Variants in GRID2IP observed in about 807,000 individuals in gnomAD.
GRID2IP encodes Grid2 interacting protein, also known as delphilin.
GRID2IP carries 78 observed loss-of-function variants against 114.3 expected under a neutral mutation model. The observed-to-expected ratio is 0.68, with a 90% CI of 0.57 to 0.82. The LOEUF (loss-of-function observed/expected upper bound fraction) is 0.82, where lower values mean the gene tolerates loss of function less well. Among genes scored for constraint, GRID2IP ranks in the 40% least tolerant of loss-of-function variants. GRID2IP has a pLI of 0.00. For missense variants in GRID2IP, 1,727 were observed against 1,678.5 expected (o/e 1.03, Z -0.51); for synonymous variants, 809 against 724.0 (o/e 1.12, Z -1.89).
chr7:6,504,949 G>A, intron 14 of GRID2IP, 79 bp from the exon 15 acceptor site: 1 of 1,133,330 alleles, frequency 8.8e-7, no homozygotes, highest in Non-Finnish European at 1.3e-6. Flanking sequence ...CGTGGTCACA[G>A]CCAACAGCCA....
Position 6,539,705 on chromosome 7 carries a change from CT to C in GRID2IP, c.584+12del. 6.5e-7 allele frequency: 1 copy of C among 1,541,512 alleles called. No individual in the cohort carries two copies. The highest frequency in any genetic ancestry group is 8.8e-7 in the Non-Finnish European group (1 of 1,142,058). ...CCACCCTGCCTGTCTATCCTGCCCC[CT>C]GCCCGCAGTACCTGAGGTTGTCCAG... On this transcript the variant is annotated intron_variant, in intron 2 of 21. Coordinates refer to ENST00000457091, the MANE Select transcript of GRID2IP (RefSeq NM_001145118.2).
intron 15 of GRID2IP, among the ~76,000 whole-genome samples, chr7:6,504,176 T>A (rs901621076): frequency 8.6e-6 from 1 of 116,118 alleles, no homozygotes. Flanking sequence ...GGGGCCCGGG[T>A]GGAAAGAGGG....
intron 2 of GRID2IP, chr7:6,531,145 G>T: frequency 2.0e-6 from 1 of 504,810 alleles, no homozygotes; most frequent in Non-Finnish European, 3.5e-6. Context: ...GAAGGGCAGG[G>T]GGTAGCCGAG....
rs1400517719 is a variant in GRID2IP at position 6,497,134 on chromosome 7, A to G, written c.*640T>C. Among the ~76,000 whole-genome samples the G allele has an allele frequency of 2.0e-5, 3 of 151,898 alleles. No homozygotes were observed. The highest frequency in any genetic ancestry group is 2.9e-5 in the Non-Finnish European group (2 of 67,958). On this transcript the variant is annotated 3_prime_UTR_variant, in exon 22 of 22. Coordinates refer to ENST00000457091, the MANE Select transcript of GRID2IP (RefSeq NM_001145118.2). ...TCCACTCCCAGGCTCCCCACTTCCA[A>G]TTGGGCCACCTCTACACAGGTTTGG...
At chr7:6,525,992 C>A (rs1779503422) in intron 4 of GRID2IP, among the ~76,000 whole-genome samples, 1 of 152,094 alleles carries the variant, frequency 6.6e-6, no homozygotes, top group South Asian at 2.1e-4. Context: ...GGGTGGGGTG[C>A]CCCAACTCAG....
At position 6,521,439 on chromosome 7, in the gene GRID2IP, T is replaced by C. The variant is rs1204025579; in HGVS notation, c.1074A>G (p.Pro358=). 19 of 1,544,338 alleles carry C rather than the reference T, an allele frequency of 1.2e-5. No homozygotes were observed. The highest frequency in any genetic ancestry group is 1.7e-5 in the Non-Finnish European group (19 of 1,143,330). Reference sequence around the variant, plus strand: ...CCATGGGGGTCTCACCACTGGCAAATGGGACGAGCCCTTCCTCCACCACCA... The same window carrying C: ...CCATGGGGGTCTCACCACTGGCAAACGGGACGAGCCCTTCCTCCACCACCA... The part of the protein sequence containing the change: ...PTLVVEEGLV[P]FASDSDSLDS... The change falls in exon 6 of 22, where the codon CCA becomes CCG. Residue 358 remains proline, a synonymous_variant. Transcript: ENST00000457091. This position sits in a 1 kb window ranked among gnomAD's most constrained non-coding sequence, Gnocchi z 4.1.
chr7:6,541,512 C>G (rs1779815055), intron 1 of GRID2IP, among the ~76,000 whole-genome samples: 1 of 152,172 alleles, frequency 6.6e-6, no homozygotes, highest in African/African-American at 2.4e-5. Context: ...TCTTTGTCCA[C>G]AAACCAGCTG....
Position 6,521,488 on chromosome 7 carries a change from T to C in GRID2IP, c.1025A>G (p.Gln342Arg). 6.5e-7 allele frequency: 1 copy of C among 1,549,722 alleles called. No individual in the cohort carries two copies. The highest frequency in any genetic ancestry group is 1.2e-5 in the South Asian group (1 of 83,782). Residue 342 changes from glutamine to arginine, a missense_variant, in exon 6 of 22, where the codon CAG becomes CGG. Coordinates refer to ENST00000457091, the MANE Select transcript of GRID2IP (RefSeq NM_001145118.2). This position sits in a 1 kb window ranked among gnomAD's most constrained non-coding sequence, Gnocchi z 4.1. ...CSHDKVVSML[Q>R]GSGAMPTLVV... The stretch of plus-strand genomic sequence containing the variant: ...CAGCGTGGGCATGGCACCACTGCCC[T>C]GCAGCATGGACACCACCTTGTCGTG...
At chr7:6,530,180 A>G (rs898170326) in intron 2 of GRID2IP, among the ~76,000 whole-genome samples, 1 of 151,440 alleles carries the variant, frequency 6.6e-6, no homozygotes, top group Non-Finnish European at 1.5e-5. Flanking sequence ...GAACGGTCTC[A>G]ATTTCCTGAC....
chr7:6,499,210 T>C (rs1030989374), intron 20 of GRID2IP, among the ~76,000 whole-genome samples: 1 of 152,204 alleles, frequency 6.6e-6, no homozygotes, highest in African/African-American at 2.4e-5. Flanking sequence ...GCAAGCACTG[T>C]GGTGCCTGAG....
In GRID2IP at chr7:6,506,235, G is replaced by C. The variant is rs534297099; in HGVS notation, c.2545-328C>G. 6.6e-6 allele frequency among the ~76,000 whole-genome samples: 1 copy of C among 152,340 alleles called. No homozygotes were observed. Among genetic ancestry groups the C allele is most frequent in the East Asian group, 1.9e-4 (1 of 5,184 alleles). ...GTAAGGGGCTACCGGAGGTGGCTCA[G>C]GGGTCTGGCTCTGTCATCAGGTCTC... On this transcript the variant is annotated intron_variant, in intron 13 of 21. Coordinates refer to ENST00000457091, the MANE Select transcript of GRID2IP (RefSeq NM_001145118.2). The surrounding 1 kb of genome is among the most constrained non-coding windows in gnomAD (Gnocchi z 5.2).
rs1029130749 is a variant in GRID2IP, at chr7:6,532,492, C to T, written c.585-5723G>A. On this transcript the variant is annotated intron_variant, in intron 2 of 21. Coordinates refer to ENST00000457091, the MANE Select transcript of GRID2IP (RefSeq NM_001145118.2). The surrounding 1 kb of genome is among the most constrained non-coding windows in gnomAD (Gnocchi z 4.4). Reference sequence around the variant, plus strand: ...TGCTCCCCAATACACTGCAGCCCCCCATTCCTGGCCCTTGCAAGACCATCA... The same window carrying T: ...TGCTCCCCAATACACTGCAGCCCCCTATTCCTGGCCCTTGCAAGACCATCA... 6.6e-6 allele frequency among the ~76,000 whole-genome samples: 1 copy of T among 152,170 alleles called. No homozygotes were observed. Among genetic ancestry groups the T allele is most frequent in the African/African-American group, 2.4e-5 (1 of 41,434 alleles).
At chr7:6,538,153 G>T (rs754884534) in intron 2 of GRID2IP, among the ~76,000 whole-genome samples, 17 of 152,040 alleles carry the variant, frequency 1.1e-4, no homozygotes, top group Non-Finnish European at 1.9e-4. Flanking sequence ...GATTGACTGA[G>T]CTCAGGAGTT....
Position 6,509,218 on chromosome 7 carries a change from TG to T in GRID2IP, c.1866del (p.Ser623AlafsTer64). 3 of 1,497,930 alleles carry T rather than the reference TG, an allele frequency of 2.0e-6. No individual in the cohort carries two copies. The highest frequency in any genetic ancestry group is 2.2e-5 in the Admixed American group (1 of 45,002). 92.8% of individuals were successfully genotyped at this position (1,497,930 alleles called of 1,614,324 possible). On this transcript the variant is annotated frameshift_variant, in exon 12 of 22. Transcript: ENST00000457091. LOFTEE classifies it high-confidence loss of function. The surrounding 1 kb of genome is among the most constrained non-coding windows in gnomAD (Gnocchi z 4.9). ...HPLCSGGLAS[P>X]SSSESHPYAS... ...GCGTAGGGGTGGGACTCAGAGCTGC[TG>T]GGGGAGGCCAGACCCCCCGAACACA...
At position 6,509,254 on chromosome 7, in the gene GRID2IP, A is replaced by T; in HGVS notation, c.1831T>A (p.Tyr611Asn). The T allele has an allele frequency of 6.5e-7, 1 of 1,526,980 alleles. No homozygotes were observed. Among genetic ancestry groups the T allele is most frequent in the Non-Finnish European group, 8.8e-7 (1 of 1,134,972 alleles). The allele number at this position is 1,526,980 out of a possible 1,614,324, so 94.6% of individuals were successfully genotyped here. A position where few individuals can be genotyped will look rare whatever the true frequency, so the allele number is the denominator to read the frequency against. The stretch of plus-strand genomic sequence containing the variant: ...AGACCCCCCGAACACAGCGGGTGGT[A>T]GCAGGGGGAGGGCAAGAGTCGCTCG... ...PSERLLPSPC[Y>N]HPLCSGGLAS... The change falls in exon 12 of 22, where the codon TAC becomes AAC. Residue 611 changes from tyrosine (Y) to asparagine (N), a missense_variant. Transcript: ENST00000457091. The surrounding 1 kb of genome is among the most constrained non-coding windows in gnomAD (Gnocchi z 4.9).
At chr7:6,550,946 A>T in intron 1 of GRID2IP, 62 bp downstream of exon 1, 4 of 1,190,464 alleles carry the variant, frequency 3.4e-6, no homozygotes, top group East Asian at 3.6e-5. Flanking sequence ...CGCCCGGCCC[A>T]CTCCCTGCCC....
At position 6,519,788 on chromosome 7, in the gene GRID2IP, C is replaced by T. The variant is rs938256229; in HGVS notation, c.1268+790G>A. ...ACAAAAACAAAAATAAAAAACCCTT[C>T]AAACAAAACAAAAAGGTATGGACAA... On this transcript the variant is annotated intron_variant, in intron 7 of 21. Transcript: ENST00000457091. This position sits in a 1 kb window ranked among gnomAD's most constrained non-coding sequence, Gnocchi z 4.1. Among the ~76,000 whole-genome samples the T allele has an allele frequency of 6.6e-6, 1 of 152,014 alleles. No individual in the cohort carries two copies. Among genetic ancestry groups the T allele is most frequent in the Non-Finnish European group, 1.5e-5 (1 of 67,988 alleles).
At position 6,508,831 on chromosome 7, in the gene GRID2IP, G is replaced by A; in HGVS notation, c.2127+127C>T. On this transcript the variant is annotated intron_variant, in intron 12 of 21. Transcript: ENST00000457091. This position sits in a 1 kb window ranked among gnomAD's most constrained non-coding sequence, Gnocchi z 5.6. ...AAGGGGTGGGATAGCTTGAGCTAGG[G>A]AGTGGGATAGCCTGGGGAAGATCCC... 7.2e-7 allele frequency: 1 copy of A among 1,384,006 alleles called. No homozygotes were observed. The highest frequency in any genetic ancestry group is 9.6e-7 in the Non-Finnish European group (1 of 1,046,222). The allele number at this position is 1,384,006 out of a possible 1,614,324, so 85.7% of individuals were successfully genotyped here.
chr7:6,508,881 G>T lies in GRID2IP; in HGVS notation c.2127+77C>A. 6.7e-7 allele frequency: 1 copy of T among 1,487,432 alleles called. No homozygotes were observed. Among genetic ancestry groups the T allele is most frequent in the Non-Finnish European group, 8.9e-7 (1 of 1,120,938 alleles). 92.1% of individuals were successfully genotyped at this position (1,487,432 alleles called of 1,614,324 possible). On this transcript the variant is annotated intron_variant, in intron 12 of 21. Coordinates refer to ENST00000457091, the MANE Select transcript of GRID2IP (RefSeq NM_001145118.2). This position sits in a 1 kb window ranked among gnomAD's most constrained non-coding sequence, Gnocchi z 5.6. ...CAAGGGCAGCAGGCCCCTTGCGGGA[G>T]CCCAGGAACACTGTTGCCTTGCAGA...
Sources: allele counts gnomAD v4.1 joint callset (sites outside exome capture counted in the v4.1 genomes callset), GRCh38; gene constraint gnomAD v4.1.1; non-coding constraint Gnocchi (gnomAD v3.1); transcripts MANE v1.5; gene names NCBI Gene and HGNC (gene_info 2026-07-23, HGNC 2026-07-21).